The following DOP1A variants were observed in gnomAD, a reference collection of about 807,000 sequenced individuals.
DOP1A encodes protein DOP1A.
DOP1A carries 90 observed loss-of-function variants against 267.6 expected under a neutral mutation model. The observed-to-expected ratio is 0.34, with a 90% CI of 0.28 to 0.40. DOP1A has a LOEUF of 0.40. Ranked by LOEUF, DOP1A falls within the 10% of genes least tolerant of loss-of-function variation. The probability of loss-of-function intolerance (pLI) is 1.00; values close to 1 mark genes in which losing one functional copy is unlikely to be tolerated. For synonymous variants in DOP1A, 932 were observed against 999.1 expected, an observed-to-expected ratio of 0.93 and a Z score of 1.27; for missense variants, 2,437 against 2,900.4, an observed-to-expected ratio of 0.84 and a Z score of 3.67.
intron 38 of DOP1A, chr6:83,166,055 T>C: frequency 3.4e-6 from 1 of 297,850 alleles, no homozygotes; most frequent in East Asian, 6.8e-5. Flanking sequence ...TCGTATAAAA[T>C]CCACCTTTTG....
Position 83,125,374 on chromosome 6 carries a change from A to G in DOP1A, c.1486-126A>G, listed in dbSNP as rs1163569323. On this transcript the variant is annotated intron_variant, in intron 14 of 38. Coordinates refer to ENST00000349129, the MANE Select transcript of DOP1A (RefSeq NM_015018.4). ...ATCAGTAATAAAATATACAGTGTTAATTAAGAGCATGATGCATATAAAACA... is the reference window on the plus strand; with the variant it reads ...ATCAGTAATAAAATATACAGTGTTAGTTAAGAGCATGATGCATATAAAACA... The G allele has an allele frequency of 3.9e-6, 4 of 1,030,342 alleles. No homozygotes were observed. In the African/African-American group the frequency reaches 6.5e-5, roughly 17 times the overall value. 63.8% of individuals were successfully genotyped at this position (1,030,342 alleles called of 1,614,324 possible).
At chr6:83,170,220 A>T, downstream of DOP1A, 1 of 1,237,278 alleles carries the variant, frequency 8.1e-7, no homozygotes, top group South Asian at 1.3e-5. Context: ...TAATCATCAT[A>T]GTGAGATTCT....
intron 33 of DOP1A, among the ~76,000 whole-genome samples, chr6:83,154,913 AG>A (rs1274017749): frequency 6.6e-6 from 1 of 152,210 alleles, no homozygotes; most frequent in East Asian, 1.9e-4. Context: ...ATTTGGAAAA[AG>A]GGCAGGATAT....
At chr6:83,074,496 T>C (rs1446141721) in intron 1 of DOP1A, among the ~76,000 whole-genome samples, 2 of 152,066 alleles carry the variant, frequency 1.3e-5, no homozygotes, top group Non-Finnish European at 2.9e-5. Context: ...TTTTCAACTT[T>C]ACACTCGTGC....
At chr6:83,093,614 G>C (rs1770877272) in intron 1 of DOP1A, among the ~76,000 whole-genome samples, 1 of 152,144 alleles carries the variant, frequency 6.6e-6, no homozygotes, top group Admixed American at 6.5e-5. Context: ...CCTATTTAAA[G>C]TATGTAATAT....
intron 7 of DOP1A, among the ~76,000 whole-genome samples, chr6:83,114,314 C>G (rs567123006): frequency 2.3e-4 from 35 of 152,320 alleles, no homozygotes; most frequent in African/African-American, 7.7e-4. Context: ...TTGAGACTTT[C>G]ACCCTTCAAC....
At chr6:83,070,142 G>A (rs572179708) in intron 1 of DOP1A, among the ~76,000 whole-genome samples, 1 of 152,104 alleles carries the variant, frequency 6.6e-6, no homozygotes, top group Non-Finnish European at 1.5e-5. Flanking sequence ...TGCTGTTAAT[G>A]CACAATTTTG....
chr6:83,154,284 G>GTAA (rs1782293555), intron 33 of DOP1A, 43 bp downstream of exon 33: 2 of 1,551,122 alleles, frequency 1.3e-6, no homozygotes, highest in Non-Finnish European at 1.8e-6. Flanking sequence ...TCCTGTACAT[G>GTAA]GTTCCTTCTT....
In DOP1A at chr6:83,118,906, A is replaced by G; in HGVS notation, c.799A>G (p.Ile267Val). ...HMSQATRPDM[I>V]RILSAALHVV... Reference sequence around the variant, plus strand: ...CTTTCAGGCCACTCGACCGGATATGATCAGGATCTTGTCAGCAGCCCTTCA... The same window carrying G: ...CTTTCAGGCCACTCGACCGGATATGGTCAGGATCTTGTCAGCAGCCCTTCA... The change falls in exon 8 of 39, where the codon ATC (isoleucine) becomes GTC (valine). Residue 267 changes from isoleucine to valine, a missense_variant. By Grantham distance (29) the Ile-to-Val change is conservative. Around this residue, in one of 9 missense-constraint regions of DOP1A, gnomAD observed 251 missense variants for 359.1 expected, o/e 0.70. Transcript: ENST00000349129. 1 of 1,613,624 alleles carries G rather than the reference A, an allele frequency of 6.2e-7. No individual in the cohort carries two copies. The highest frequency in any genetic ancestry group is 8.5e-7 in the Non-Finnish European group (1 of 1,179,632).
intron 1 of DOP1A, among the ~76,000 whole-genome samples, chr6:83,086,430 A>T (rs1769251952): frequency 6.6e-6 from 1 of 152,160 alleles, no homozygotes; most frequent in Admixed American, 6.5e-5. Flanking sequence ...GAAAGAAGAG[A>T]GGTTGGTCTT....
chr6:83,163,518 CTGTT>C (rs1440948968), intron 38 of DOP1A, among the ~76,000 whole-genome samples: 11 of 152,200 alleles, frequency 7.2e-5, no homozygotes, highest in African/African-American at 1.9e-4. Flanking sequence ...AGCATTCATT[CTGTT>C]TATCTATATG....
chr6:83,122,423 G>A (rs1485928172), intron 11 of DOP1A, among the ~76,000 whole-genome samples: 1 of 151,872 alleles, frequency 6.6e-6, no homozygotes, highest in East Asian at 1.9e-4. Flanking sequence ...GATTGAAACT[G>A]GTCAAGGTAA....
intron 36 of DOP1A, among the ~76,000 whole-genome samples, chr6:83,159,457 CTGTG>C (rs1362253902): frequency 1.4e-5 from 2 of 147,316 alleles, no homozygotes; most frequent in Non-Finnish European, 3.0e-5. Context: ...TTTTTTTTGT[CTGTG>C]TGTATTTTTT....
chr6:83,113,345 T>A lies in DOP1A; in HGVS notation c.704T>A (p.Val235Glu). ...ELMVEAVSTSVQDSSVLVQRS... is the reference protein window; with the variant it reads ...ELMVEAVSTSEQDSSVLVQRS... Reference sequence around the variant, plus strand: ...CAGGTAGAAGCAGTAAGTACTTCAGTGCAGGACTCAAGTGTACTTGTACAG... The same window carrying A: ...CAGGTAGAAGCAGTAAGTACTTCAGAGCAGGACTCAAGTGTACTTGTACAG... The change falls in exon 7 of 39, where the codon GTG becomes GAG. Residue 235 changes from valine (V) to glutamate (E), a missense_variant. Physicochemically the swap from Val to Glu is moderately radical, Grantham distance 121 (BLOSUM62 -2). Around this residue, in one of 9 missense-constraint regions of DOP1A, gnomAD observed 251 missense variants for 359.1 expected, o/e 0.70. Transcript: ENST00000349129. The A allele has an allele frequency of 6.2e-7, 1 of 1,613,626 alleles. No homozygotes were observed. Among genetic ancestry groups the A allele is most frequent in the Non-Finnish European group, 8.5e-7 (1 of 1,179,722 alleles).
At chr6:83,102,904 G>A (rs1232619159) in intron 4 of DOP1A, among the ~76,000 whole-genome samples, 2 of 151,960 alleles carry the variant, frequency 1.3e-5, no homozygotes, top group African/African-American at 4.8e-5. Flanking sequence ...TTCCACTCAG[G>A]TCCACAGGTC....
rs761303438 is a variant in DOP1A at position 83,120,694 on chromosome 6, A to C, written c.1002A>C (p.Gly334=). 1 of 1,575,848 alleles carries C rather than the reference A, an allele frequency of 6.3e-7. No homozygotes were observed. The highest frequency in any genetic ancestry group is 1.3e-5 in the African/African-American group (1 of 74,614). ...SKELLVQAMV[G]ILQVNGFGEE... is the part of the protein sequence containing the mutation. ...TTCCTTTTTTAAAGGCAATGGTGGGAATCTTACAAGTGAATGGATTTGGAG... is the reference window on the plus strand; with the variant it reads ...TTCCTTTTTTAAAGGCAATGGTGGGCATCTTACAAGTGAATGGATTTGGAG... Residue 334 remains glycine, a synonymous_variant, in exon 10 of 39, where the codon GGA becomes GGC. Coordinates refer to ENST00000349129, the MANE Select transcript of DOP1A (RefSeq NM_015018.4).
intron 12 of DOP1A, among the ~76,000 whole-genome samples, chr6:83,123,349 C>T (rs2128221744): frequency 6.6e-6 from 1 of 152,098 alleles, no homozygotes; most frequent in South Asian, 2.1e-4. Flanking sequence ...ACTTTTTGGC[C>T]TGACTTGTGT....
chr6:83,112,463 G>C (rs1472912951), intron 6 of DOP1A, among the ~76,000 whole-genome samples: 1 of 151,962 alleles, frequency 6.6e-6, no homozygotes, highest in Non-Finnish European at 1.5e-5. Context: ...CTAACATAAA[G>C]CATTATGCTA....
downstream of DOP1A, chr6:83,168,547 C>T: frequency 1.0e-6 from 1 of 1,002,674 alleles, no homozygotes; most frequent in Non-Finnish European, 1.2e-6. Context: ...GTTCTGGTAT[C>T]AGAATGGTGT....
Sources: allele counts gnomAD v4.1 joint callset (sites outside exome capture counted in the v4.1 genomes callset), GRCh38; gene constraint gnomAD v4.1.1; regional missense constraint gnomAD v4.1.1; transcripts MANE v1.5; gene names NCBI Gene and HGNC (gene_info 2026-07-23, HGNC 2026-07-21).